The following TGFB2 variants were observed in gnomAD, a reference collection of about 807,000 sequenced individuals.
The protein encoded by TGFB2 is transforming growth factor beta-2 proprotein.
Under a neutral mutation model 42.7 loss-of-function variants are expected in TGFB2, and 13 were observed. That is an observed-to-expected ratio of 0.30 (90% CI 0.20 to 0.48). The LOEUF (loss-of-function observed/expected upper bound fraction) is 0.48. Among genes scored for constraint, TGFB2 ranks in the 20% least tolerant of loss-of-function variants. The pLI is 0.99. For synonymous variants in TGFB2, 193 were observed against 193.6 expected (o/e 1.00, Z 0.03); for missense variants, 390 against 517.5 (o/e 0.75, Z 2.39).
At chr1:218,427,795 C>T (rs1210895609) in intron 2 of TGFB2, among the ~76,000 whole-genome samples, 2 of 152,116 alleles carry the variant, frequency 1.3e-5, no homozygotes, top group African/African-American at 4.8e-5. Context: ...AATAAACATT[C>T]GTGTGCATGT....
intron 1 of TGFB2, among the ~76,000 whole-genome samples, chr1:218,379,283 C>T (rs994920422): frequency 2.0e-5 from 3 of 151,678 alleles, no homozygotes; most frequent in South Asian, 2.1e-4. Flanking sequence ...CAGGCGCCCG[C>T]CACCACACCT....
chr1:218,350,384 C>T (rs1456887353), intron 1 of TGFB2, among the ~76,000 whole-genome samples: 1 of 152,072 alleles, frequency 6.6e-6, no homozygotes, highest in East Asian at 1.9e-4. Context: ...TGGAGGGGTG[C>T]TACCGGTATT....
chr1:218,434,205 C>T lies in TGFB2; in HGVS notation c.634C>T (p.His212Tyr). 3.1e-6 allele frequency: 5 copies of T among 1,614,112 alleles called. No homozygotes were observed. The highest frequency in any genetic ancestry group is 4.2e-6 in the Non-Finnish European group (5 of 1,179,972). ...DVTDAVHEWL[H>Y]HKDRNLGFKI... Reference sequence around the variant, plus strand: ...AACTGATGCTGTTCATGAATGGCTTCACCATAAAGGTTACAAGCCACTCTC... The same window carrying T: ...AACTGATGCTGTTCATGAATGGCTTTACCATAAAGGTTACAAGCCACTCTC... The change falls in exon 3 of 7, where the codon CAC (histidine) becomes TAC (tyrosine). Residue 212 changes from histidine (H) to tyrosine (Y), a missense_variant. Physicochemically the swap from His to Tyr is moderately conservative, Grantham distance 83. Coordinates refer to ENST00000366930, the MANE Select transcript of TGFB2 (RefSeq NM_003238.6).
intron 1 of TGFB2, among the ~76,000 whole-genome samples, chr1:218,401,497 C>T (rs1222014435): frequency 6.6e-6 from 1 of 152,104 alleles, no homozygotes; most frequent in Non-Finnish European, 1.5e-5. Context: ...AATCAGCCTC[C>T]TGGTGTGAAA....
chr1:218,395,660 G>C (rs1476369533), intron 1 of TGFB2, among the ~76,000 whole-genome samples: 30 of 146,488 alleles, frequency 2.0e-4, no homozygotes, highest in Admixed American at 2.8e-4. Context: ...CGCCCAGGCT[G>C]GAGTGCAGTG....
rs74784772 is a variant in TGFB2, at chr1:218,416,296, T to C, written c.510+10964T>C. Among the ~76,000 whole-genome samples, 1,105 of 152,278 alleles carry C rather than the reference T, an allele frequency of 7.3e-3. 13 individuals are homozygous for C. Among genetic ancestry groups the C allele is most frequent in the African/African-American group, 0.025 (1,045 of 41,552 alleles). ...AATTGATTTTTAATAAGGTTCCTTT[T>C]TTTTTTCATGTTGTAAATGTTCAGT... On this transcript the variant is annotated intron_variant, in intron 2 of 6. Transcript: ENST00000366930.
At chr1:218,381,360 A>G (rs952696280) in intron 1 of TGFB2, among the ~76,000 whole-genome samples, 2 of 149,528 alleles carry the variant, frequency 1.3e-5, no homozygotes, top group Non-Finnish European at 3.0e-5. Flanking sequence ...GGTTCACGCC[A>G]TTCTCCTGCC....
chr1:218,440,889 C>A (rs1660129927), intron 6 of TGFB2, among the ~76,000 whole-genome samples: 1 of 152,040 alleles, frequency 6.6e-6, no homozygotes, highest in African/African-American at 2.4e-5. Flanking sequence ...TGCAGCCAAG[C>A]ACTGATCAGA....
In TGFB2 at chr1:218,346,782, C is replaced by A; in HGVS notation, c.81C>A (p.Leu27=). The stretch of plus-strand genomic sequence containing the variant: ...TCAGCCTGTCTACCTGCAGCACACT[C>A]GATATGGACCAGTTCATGCGCAAGA... ...VALSLSTCST[L]DMDQFMRKRI... is the part of the protein sequence containing the mutation. Residue 27 remains leucine (L), a synonymous_variant, in exon 1 of 7, where the codon CTC becomes CTA. Coordinates refer to ENST00000366930, the MANE Select transcript of TGFB2 (RefSeq NM_003238.6). The surrounding 1 kb of genome is among the most constrained non-coding windows in gnomAD (Gnocchi z 4.9). 2 of 1,614,160 alleles carry A rather than the reference C, an allele frequency of 1.2e-6. No individual in the cohort carries two copies. The highest frequency in any genetic ancestry group is 1.7e-6 in the Non-Finnish European group (2 of 1,180,034).
chr1:218,420,006 G>GA (rs1659401979), intron 2 of TGFB2, among the ~76,000 whole-genome samples: 1 of 152,148 alleles, frequency 6.6e-6, no homozygotes, highest in Non-Finnish European at 1.5e-5. Context: ...TTATAGTACA[G>GA]GCCACATATG....
At chr1:218,383,659 A>T (rs747361802) in intron 1 of TGFB2, among the ~76,000 whole-genome samples, 1 of 152,204 alleles carries the variant, frequency 6.6e-6, no homozygotes, top group Non-Finnish European at 1.5e-5. Context: ...CCCTTCAGCC[A>T]TACTGTTTGT....
At chr1:218,382,861 C>G (rs1214471674) in intron 1 of TGFB2, among the ~76,000 whole-genome samples, 1 of 152,170 alleles carries the variant, frequency 6.6e-6, no homozygotes, top group African/African-American at 2.4e-5. Flanking sequence ...CTTCTACTTC[C>G]CGTAGGAGTT....
intron 1 of TGFB2, among the ~76,000 whole-genome samples, chr1:218,367,474 C>T (rs150456397): frequency 2.0e-5 from 3 of 152,204 alleles, no homozygotes; most frequent in Admixed American, 6.5e-5. Context: ...TTGTGCAACC[C>T]TGTGCCCCCT....
chr1:218,348,600 G>A (rs1029646621), intron 1 of TGFB2, among the ~76,000 whole-genome samples: 1 of 152,194 alleles, frequency 6.6e-6, no homozygotes, highest in Non-Finnish European at 1.5e-5. Flanking sequence ...CCGCAACAGC[G>A]GTGATAAATA....
rs1659889481 is a variant in TGFB2, at chr1:218,434,022, G to T, written c.511-60G>T. 1.9e-6 allele frequency: 3 copies of T among 1,601,788 alleles called. No individual in the cohort carries two copies. The East Asian group carries it at 6.7e-5, about 36-fold the overall frequency. ...AATTAGAACACTGTTAATAGTTTTG[G>T]TTTAGTCATGCTGTCAGAATGCCAA... On this transcript the variant is annotated intron_variant, in intron 2 of 6. Transcript: ENST00000366930.
chr1:218,374,917 T>C (rs1379932497), intron 1 of TGFB2, among the ~76,000 whole-genome samples: 1 of 152,222 alleles, frequency 6.6e-6, no homozygotes, highest in African/African-American at 2.4e-5. Flanking sequence ...TTTGTCTCAA[T>C]CTGATTTCTG....
chr1:218,370,033 C>T (rs911690092), intron 1 of TGFB2, among the ~76,000 whole-genome samples: 2 of 152,160 alleles, frequency 1.3e-5, no homozygotes, highest in Non-Finnish European at 2.9e-5. Context: ...TACTGTGTGC[C>T]AGGTGATAGG....
chr1:218,383,281 A>G (rs1321012041), intron 1 of TGFB2, among the ~76,000 whole-genome samples: 1 of 152,192 alleles, frequency 6.6e-6, no homozygotes, highest in African/African-American at 2.4e-5. Flanking sequence ...CAGAATCTGA[A>G]ACCTCTGTTT....
In TGFB2 at chr1:218,434,228, C is replaced by G; in HGVS notation, c.643+14C>G. The G allele has an allele frequency of 6.2e-7, 1 of 1,613,072 alleles. No homozygotes were observed. The highest frequency in any genetic ancestry group is 8.5e-7 in the Non-Finnish European group (1 of 1,179,072). On this transcript the variant is annotated intron_variant, in intron 3 of 6. Coordinates refer to ENST00000366930, the MANE Select transcript of TGFB2 (RefSeq NM_003238.6). ...TTCACCATAAAGGTTACAAGCCACT[C>G]TCTCTTTTCCTCCCAAGATGTTCAG...
Sources: gnomAD v4.1 joint callset for allele counts (sites outside exome capture counted in the v4.1 genomes callset) on GRCh38, gnomAD v4.1.1 for gene constraint, Gnocchi (gnomAD v3.1) non-coding constraint, MANE v1.5 for transcripts, NCBI Gene and HGNC (gene_info 2026-07-23, HGNC 2026-07-21) for gene names.